CCR4: variants seen among roughly 807,000 people sequenced by gnomAD.
CCR4 encodes the protein C-C motif chemokine receptor 4, also known as C-C chemokine receptor type 4.
Under a neutral mutation model 17.1 loss-of-function variants are expected in CCR4, and 9 were observed. That is an observed-to-expected ratio of 0.53 (90% CI 0.32 to 0.92). CCR4 has a LOEUF of 0.92. Ranked by LOEUF, CCR4 falls within the 40% of genes least tolerant of loss-of-function variation. The pLI is 0.04. For missense variants in CCR4, 385 were observed against 433.9 expected, an observed-to-expected ratio of 0.89 and a Z score of 1.00; for synonymous variants, 217 against 174.3, an observed-to-expected ratio of 1.24 and a Z score of -1.93.
chr3:32,953,065 C>T (rs1697695850), intron 1 of CCR4, among the ~76,000 whole-genome samples: 4 of 152,220 alleles, frequency 2.6e-5, no homozygotes, highest in African/African-American at 7.2e-5. Context: ...GAAACACATC[C>T]TCAAAGAACA....
chr3:32,953,301 G>T, intron 1 of CCR4, 71 bp from the exon 2 acceptor site: 2 of 1,162,476 alleles, frequency 1.7e-6, no homozygotes, highest in South Asian at 1.6e-5. Context: ...ACGCAGCCAT[G>T]CTCTGCATTT....
chr3:32,955,138 A>G lies in CCR4; in HGVS notation c.*633A>G, dbSNP rs1559366443. On this transcript the variant is annotated 3_prime_UTR_variant, in exon 2 of 2. Coordinates refer to ENST00000330953, the MANE Select transcript of CCR4 (RefSeq NM_005508.5). The stretch of plus-strand genomic sequence containing the variant: ...GACATTAGCCAAGGTCTGCTTTCCA[A>G]ACGTGAACTACAAGGCATTCAAAAT... The G allele has an allele frequency of 6.0e-6, 1 of 167,156 alleles. No individual in the cohort carries two copies. The allele number at this position is 167,156 out of a possible 1,614,324, so 10.4% of individuals were successfully genotyped here. A position where few individuals can be genotyped will look rare whatever the true frequency, so the allele number is the denominator to read the frequency against.
At position 32,953,462 on chromosome 3, in the gene CCR4, A is replaced by C. The variant is rs1262008536; in HGVS notation, c.40A>C (p.Ser14Arg). The C allele has an allele frequency of 6.2e-7, 1 of 1,613,720 alleles. No individual in the cohort carries two copies. Among genetic ancestry groups the C allele is most frequent in the South Asian group, 1.1e-5 (1 of 91,044 alleles). ...TDIADTTLDESIYSNYYLYES... is the reference protein window; with the variant it reads ...TDIADTTLDERIYSNYYLYES... Reference sequence around the variant, plus strand: ...TATAGCAGACACCACCCTCGATGAAAGCATATACAGCAATTACTATCTGTA... The same window carrying C: ...TATAGCAGACACCACCCTCGATGAACGCATATACAGCAATTACTATCTGTA... The change falls in exon 2 of 2, where the codon AGC (serine) becomes CGC (arginine). Residue 14 changes from serine (S) to arginine (R), a missense_variant. Coordinates refer to ENST00000330953, the MANE Select transcript of CCR4 (RefSeq NM_005508.5).
rs1697730443 is a variant in CCR4, at chr3:32,954,425, C to G, written c.1003C>G (p.Leu335Val). The change falls in exon 2 of 2, where the codon CTC (leucine) becomes GTC (valine). Residue 335 changes from leucine (L) to valine (V), a missense_variant. By Grantham distance (32) the Leu-to-Val change is conservative (BLOSUM62 1). Transcript: ENST00000330953. ...TGTGCTCTGCCAATACTGTGGGCTC[C>G]TCCAAATTTACTCTGCTGACACCCC... is the stretch of plus-strand genomic sequence containing the variant. ...LFVLCQYCGL[L>V]QIYSADTPSS... The G allele has an allele frequency of 1.9e-6, 3 of 1,600,034 alleles. No homozygotes were observed. In the Admixed American group the frequency reaches 5.2e-5, roughly 28 times the overall value.
At position 32,953,394 on chromosome 3, in the gene CCR4, C is replaced by G. The variant is rs745674589; in HGVS notation, c.-29C>G. The G allele has an allele frequency of 6.4e-7, 1 of 1,560,802 alleles. No individual in the cohort carries two copies. Among genetic ancestry groups the G allele is most frequent in the African/African-American group, 1.4e-5 (1 of 73,576 alleles). On this transcript the variant is annotated 5_prime_UTR_variant, in exon 2 of 2. Transcript: ENST00000330953. ...TAGCTGCTTCTGGTTGGGCCCAGACCTGCCTTGAGGAGCCTGTAGAGTTAA... is the reference window on the plus strand; with the variant it reads ...TAGCTGCTTCTGGTTGGGCCCAGACGTGCCTTGAGGAGCCTGTAGAGTTAA...
In CCR4 at chr3:32,954,184, C is replaced by T. The variant is rs1697727110; in HGVS notation, c.762C>T (p.Phe254=). The T allele has an allele frequency of 6.2e-7, 1 of 1,614,062 alleles. No individual in the cohort carries two copies. Among genetic ancestry groups the T allele is most frequent in the South Asian group, 1.1e-5 (1 of 91,066 alleles). The part of the protein sequence containing the change: ...IFAVVVLFLG[F]WTPYNIVLFL... ...CCGTGGTGGTCCTCTTCCTTGGGTT[C>T]TGGACACCTTACAACATAGTGCTCT... Residue 254 remains phenylalanine, a synonymous_variant, in exon 2 of 2, where the codon TTC becomes TTT. Coordinates refer to ENST00000330953, the MANE Select transcript of CCR4 (RefSeq NM_005508.5).
chr3:32,954,822 A>G lies in CCR4; in HGVS notation c.*317A>G, dbSNP rs1209702576. ...GCAAGGCAAAGACTATTCCCTTCTAACCTGAACTGATGGGTTTCTCCAGAG... is the reference window on the plus strand; with the variant it reads ...GCAAGGCAAAGACTATTCCCTTCTAGCCTGAACTGATGGGTTTCTCCAGAG... On this transcript the variant is annotated 3_prime_UTR_variant, in exon 2 of 2. Coordinates refer to ENST00000330953, the MANE Select transcript of CCR4 (RefSeq NM_005508.5). The G allele has an allele frequency of 4.0e-6, 1 of 249,764 alleles. No homozygotes were observed. The highest frequency in any genetic ancestry group is 8.3e-6 in the Non-Finnish European group (1 of 120,894). The allele number at this position is 249,764 out of a possible 1,614,324, so 15.5% of individuals were successfully genotyped here.
chr3:32,953,175 T>C lies in CCR4; in HGVS notation c.-51-197T>C, dbSNP rs1575380386. Reference sequence around the variant, plus strand: ...ATTAGTGAGTGCCCAAGCTGGAATCTGAAACAAATCTTTCTGCCTCCAAAG... The same window carrying C: ...ATTAGTGAGTGCCCAAGCTGGAATCCGAAACAAATCTTTCTGCCTCCAAAG... On this transcript the variant is annotated intron_variant, in intron 1 of 1. Coordinates refer to ENST00000330953, the MANE Select transcript of CCR4 (RefSeq NM_005508.5). Among the ~76,000 whole-genome samples, 13 of 152,328 alleles carry C rather than the reference T, an allele frequency of 8.5e-5. No individual in the cohort carries two copies. In the South Asian group the frequency reaches 2.7e-3, roughly 32 times the overall value.
chr3:32,951,879 C>A (rs1697678534), intron 1 of CCR4, among the ~76,000 whole-genome samples, 189 bp downstream of exon 1: 1 of 151,960 alleles, frequency 6.6e-6, no homozygotes, highest in Non-Finnish European at 1.5e-5. Flanking sequence ...GCAGGACTCT[C>A]TTCCTGCACA....
rs759947875 is a variant in CCR4, at chr3:32,953,456, G to A, written c.34G>A (p.Asp12Asn). The A allele has an allele frequency of 3.7e-6, 6 of 1,612,808 alleles. No homozygotes were observed. Among genetic ancestry groups the A allele is most frequent in the African/African-American group, 1.3e-5 (1 of 74,868 alleles). ...CACGGATATAGCAGACACCACCCTC[G>A]ATGAAAGCATATACAGCAATTACTA... is the stretch of plus-strand genomic sequence containing the variant. ...NPTDIADTTL[D>N]ESIYSNYYLY... The change falls in exon 2 of 2, where the codon GAT becomes AAT. Residue 12 changes from aspartate (D) to asparagine (N), a missense_variant. Physicochemically the swap from Asp to Asn is conservative, Grantham distance 23. Transcript: ENST00000330953.
rs778842015 is a variant in CCR4, at chr3:32,954,476, A to G, written c.1054A>G (p.Met352Val). Residue 352 changes from methionine to valine, a missense_variant, in exon 2 of 2, where the codon ATG (methionine) becomes GTG (valine). Transcript: ENST00000330953. The part of the protein sequence containing the change: ...TPSSSYTQST[M>V]DHDLHDAL ...CAGCTCATCTTACACGCAGTCCACC[A>G]TGGATCATGATCTCCATGATGCTCT... The G allele has an allele frequency of 1.0e-5, 16 of 1,547,818 alleles. No homozygotes were observed. Among genetic ancestry groups the G allele is most frequent in the Non-Finnish European group, 1.3e-5 (15 of 1,152,922 alleles).
intron 1 of CCR4, among the ~76,000 whole-genome samples, chr3:32,952,519 G>A (rs557685665): frequency 3.9e-5 from 6 of 152,278 alleles, no homozygotes; most frequent in East Asian, 3.9e-4. Flanking sequence ...TCGGCCTCCC[G>A]ACGTGCTGGG....
chr3:32,954,393 G>C lies in CCR4; in HGVS notation c.971G>C (p.Gly324Ala). The stretch of plus-strand genomic sequence containing the variant: ...CTACAGCTCTTCAAAACCTGCAGGG[G>C]CCTTTTTGTGCTCTGCCAATACTGT... ...YILQLFKTCR[G>A]LFVLCQYCGL... The change falls in exon 2 of 2, where the codon GGC becomes GCC. Residue 324 changes from glycine to alanine, a missense_variant. By Grantham distance (60) the Gly-to-Ala change is moderately conservative. Transcript: ENST00000330953. 1.2e-6 allele frequency: 2 copies of C among 1,612,488 alleles called. No individual in the cohort carries two copies. Among genetic ancestry groups the C allele is most frequent in the Non-Finnish European group, 1.7e-6 (2 of 1,179,442 alleles).
chr3:32,953,098 G>A (rs936485053), intron 1 of CCR4, among the ~76,000 whole-genome samples: 16 of 152,070 alleles, frequency 1.1e-4, no homozygotes, highest in Admixed American at 5.2e-4. Flanking sequence ...GGGGTTTTAC[G>A]ATCCTCACTT....
rs754674018 is a variant in CCR4 at position 32,954,049 on chromosome 3, C to T, written c.627C>T (p.Leu209=). Reference sequence around the variant, plus strand: ...TCAGCTCCCTGGAAATCAACATTCTCGGATTGGTGATCCCCTTAGGGATCA... The same window carrying T: ...TCAGCTCCCTGGAAATCAACATTCTTGGATTGGTGATCCCCTTAGGGATCA... ...KVLSSLEINI[L]GLVIPLGIML... Residue 209 remains leucine (L), a synonymous_variant, in exon 2 of 2, where the codon CTC becomes CTT. Coordinates refer to ENST00000330953, the MANE Select transcript of CCR4 (RefSeq NM_005508.5). 5.6e-6 allele frequency: 9 copies of T among 1,614,024 alleles called. No homozygotes were observed. The highest frequency in any genetic ancestry group is 2.2e-5 in the South Asian group (2 of 91,082).
In CCR4 at chr3:32,954,522, A is replaced by C. The variant is rs1484210333; in HGVS notation, c.*17A>C. 6.6e-7 allele frequency: 1 copy of C among 1,513,554 alleles called. No homozygotes were observed. The highest frequency in any genetic ancestry group is 8.8e-7 in the Non-Finnish European group (1 of 1,134,230). 93.8% of individuals were successfully genotyped at this position (1,513,554 alleles called of 1,614,324 possible). ...GCTCTGTAGAAAAATGAAATGGTGA[A>C]ATGCAGAGTCAATGAACTTTCCACA... On this transcript the variant is annotated 3_prime_UTR_variant, in exon 2 of 2. Coordinates refer to ENST00000330953, the MANE Select transcript of CCR4 (RefSeq NM_005508.5).
rs539215464 is a variant in CCR4 at position 32,953,231 on chromosome 3, C to A, written c.-51-141C>A. On this transcript the variant is annotated intron_variant, in intron 1 of 1. Coordinates refer to ENST00000330953, the MANE Select transcript of CCR4 (RefSeq NM_005508.5). ...AATTATTTCGTCTGGCTGCAGGGCC[C>A]TGTGAGTAATCGAGCCCTTCATCTT... 3.4e-5 allele frequency: 19 copies of A among 566,352 alleles called. 1 individual carries two copies. The South Asian group carries it at 6.8e-4, about 20-fold the overall frequency. The allele number at this position is 566,352 out of a possible 1,614,324, so 35.1% of individuals were successfully genotyped here. A position where few individuals can be genotyped will look rare whatever the true frequency, so the allele number is the denominator to read the frequency against.
intron 1 of CCR4, 62 bp from the exon 2 acceptor site, chr3:32,953,310 T>C: frequency 8.0e-7 from 1 of 1,255,848 alleles, no homozygotes. Flanking sequence ...TGCTCTGCAT[T>C]TAGCAATACT....
At position 32,953,719 on chromosome 3, in the gene CCR4, A is replaced by C; in HGVS notation, c.297A>C (p.Ala99=). ...VFSLPFWGYY[A]ADQWVFGLGL... is the part of the protein sequence containing the mutation. ...CCCTCCCTTTTTGGGGCTACTATGC[A>C]GCAGACCAGTGGGTTTTTGGGCTAG... Residue 99 remains alanine (A), a synonymous_variant, in exon 2 of 2, where the codon GCA becomes GCC. Transcript: ENST00000330953. 1 of 1,614,088 alleles carries C rather than the reference A, an allele frequency of 6.2e-7. No individual in the cohort carries two copies. Among genetic ancestry groups the C allele is most frequent in the Non-Finnish European group, 8.5e-7 (1 of 1,180,024 alleles).
Sources: gnomAD v4.1 joint callset for allele counts (sites outside exome capture counted in the v4.1 genomes callset) on GRCh38, gnomAD v4.1.1 for gene constraint, MANE v1.5 for transcripts, NCBI Gene and HGNC (gene_info 2026-07-23, HGNC 2026-07-21) for gene names.